COL14A1: variants seen among roughly 807,000 people sequenced by gnomAD.
COL14A1 encodes the protein collagen type XIV alpha 1 chain.
In COL14A1, 136 loss-of-function variants were observed where a neutral mutation model predicts 230.3. The ratio of observed to expected loss-of-function variants is 0.59; its 90% CI spans 0.51 to 0.68. The LOEUF is 0.68. COL14A1 is among the 30% of genes least tolerant of loss of function. The probability of loss-of-function intolerance (pLI) is 0.00; values close to 1 mark genes in which losing one functional copy is unlikely to be tolerated. For synonymous variants in COL14A1, 792 were observed against 784.1 expected (o/e 1.01, Z -0.17); for missense variants, 1,976 against 2,215.8 (o/e 0.89, Z 2.17).
chr8:120,331,985 A>AACAATTTCC (rs1488174194), intron 40 of COL14A1, among the ~76,000 whole-genome samples, 156 bp from the exon 41 acceptor site: 3 of 152,222 alleles, frequency 2.0e-5, no homozygotes, highest in Non-Finnish European at 2.9e-5. Flanking sequence ...CCTTGCCAAA[A>AACAATTTCC]ACAATTTCCA....
At chr8:120,226,984 C>T (rs11986760) in intron 16 of COL14A1, among the ~76,000 whole-genome samples, 1 of 152,040 alleles carries the variant, frequency 6.6e-6, no homozygotes, top group East Asian at 1.9e-4. Context: ...TTTTCAGATT[C>T]TTTGACTTTA....
intron 16 of COL14A1, 90 bp from the exon 17 acceptor site, chr8:120,227,130 T>G (rs902961969): frequency 1.4e-6 from 2 of 1,438,554 alleles, no homozygotes; most frequent in African/African-American, 2.8e-5. Flanking sequence ...TCTTTATGAT[T>G]GGTTGTTTCT....
chr8:120,200,715 TTA>T lies in COL14A1; in HGVS notation c.877+1199_877+1200del, dbSNP rs34177030. Among the ~76,000 whole-genome samples the T allele has an allele frequency of 9.0e-3, 767 of 85,048 alleles. 2 individuals are homozygous for T. The highest frequency in any genetic ancestry group is 0.011 in the Non-Finnish European group (456 of 40,872). The allele number at this position is 85,048 out of a possible 152,430, so 55.8% of individuals were successfully genotyped here. A position where few individuals can be genotyped will look rare whatever the true frequency, so the allele number is the denominator to read the frequency against. On this transcript the variant is annotated intron_variant, in intron 8 of 47. Coordinates refer to ENST00000297848, the MANE Select transcript of COL14A1 (RefSeq NM_021110.4). ...GAAAGATCCTAAAAAGTTTTCCTAT[TTA>T]TATATATATATATATATATATATAT...
chr8:120,180,285 A>C (rs1816420418), intron 5 of COL14A1, among the ~76,000 whole-genome samples: 1 of 152,178 alleles, frequency 6.6e-6, no homozygotes. Context: ...CCCACCATTT[A>C]TTTATTGGTC....
At chr8:120,335,091 G>A (rs1822007267) in intron 42 of COL14A1, among the ~76,000 whole-genome samples, 2 of 152,148 alleles carry the variant, frequency 1.3e-5, no homozygotes, top group Non-Finnish European at 2.9e-5. Flanking sequence ...GGGAGGGAAT[G>A]GGGAAGAAGG....
intron 44 of COL14A1, among the ~76,000 whole-genome samples, chr8:120,344,251 C>G (rs1471366278): frequency 6.6e-6 from 1 of 152,238 alleles, no homozygotes; most frequent in Non-Finnish European, 1.5e-5. Flanking sequence ...TCTTGCCTTA[C>G]ACTACTTCAG....
intron 45 of COL14A1, among the ~76,000 whole-genome samples, chr8:120,363,651 T>A (rs1823306567): frequency 6.6e-6 from 1 of 152,182 alleles, no homozygotes; most frequent in African/African-American, 2.4e-5. Context: ...CATTTAGTCT[T>A]CCAGTATTTA....
chr8:120,244,066 C>G (rs1818694108), intron 20 of COL14A1, 58 bp downstream of exon 20: 5 of 1,572,384 alleles, frequency 3.2e-6, no homozygotes, highest in African/African-American at 1.4e-5. Context: ...AAATGCTTGT[C>G]CCCTGTAATG....
intron 44 of COL14A1, among the ~76,000 whole-genome samples, chr8:120,342,781 CA>C (rs1329417008): frequency 6.6e-6 from 1 of 152,156 alleles, no homozygotes; most frequent in Non-Finnish European, 1.5e-5. Context: ...AAGTGTTCAG[CA>C]CTTGAAAGCT....
In COL14A1 at chr8:120,315,941, C is replaced by T. The variant is rs1290867277; in HGVS notation, c.4606-3C>T. The T allele has an allele frequency of 5.6e-6, 9 of 1,613,728 alleles. No individual in the cohort carries two copies. The highest frequency in any genetic ancestry group is 5.1e-6 in the Non-Finnish European group (6 of 1,179,934). On this transcript the variant is annotated splice_polypyrimidine_tract_variant and splice_region_variant and intron_variant, in intron 39 of 47. Coordinates refer to ENST00000297848, the MANE Select transcript of COL14A1 (RefSeq NM_021110.4). Reference sequence around the variant, plus strand: ...GACTCTTTTTTGTCCCTGTTCTACACAGGGTATCCCAGGAGGCGTTGGTTC... The same window carrying T: ...GACTCTTTTTTGTCCCTGTTCTACATAGGGTATCCCAGGAGGCGTTGGTTC...
chr8:120,179,839 T>G (rs1816404836), intron 5 of COL14A1, among the ~76,000 whole-genome samples: 1 of 152,158 alleles, frequency 6.6e-6, no homozygotes, highest in South Asian at 2.1e-4. Context: ...TTGGTACTGG[T>G]ACCAAAACAG....
chr8:120,156,167 G>C (rs976530363), intron 2 of COL14A1, among the ~76,000 whole-genome samples: 1 of 111,006 alleles, frequency 9.0e-6, no homozygotes, highest in African/African-American at 3.7e-5. Flanking sequence ...TCAATGAAGG[G>C]TGACTTCTTT....
chr8:120,370,723 C>T, intron 47 of COL14A1: 1 of 1,400,080 alleles, frequency 7.1e-7, no homozygotes, highest in East Asian at 3.8e-5. Flanking sequence ...TTCCTCCTTC[C>T]TCTCCCCACA....
chr8:120,361,004 A>G (rs1233819875), intron 45 of COL14A1, among the ~76,000 whole-genome samples: 1 of 151,318 alleles, frequency 6.6e-6, no homozygotes, highest in African/African-American at 2.4e-5. Flanking sequence ...CTAGTAGACA[A>G]TCTCCCCTTC....
intron 2 of COL14A1, among the ~76,000 whole-genome samples, chr8:120,148,655 T>C (rs1417699850): frequency 6.6e-6 from 1 of 152,216 alleles, no homozygotes; most frequent in Non-Finnish European, 1.5e-5. Context: ...TATCATTTCA[T>C]ACCTGGTCCT....
chr8:120,191,219 T>C (rs71532482), intron 5 of COL14A1, among the ~76,000 whole-genome samples: 29,094 of 135,900 alleles, frequency 0.21, 2,516 homozygotes, highest in Middle Eastern at 0.31. Context: ...GCTTTGAATG[T>C]GTCCCAGAGA....
chr8:120,359,962 A>G (rs1021060394), intron 45 of COL14A1, among the ~76,000 whole-genome samples: 2 of 152,102 alleles, frequency 1.3e-5, no homozygotes, highest in Non-Finnish European at 2.9e-5. Flanking sequence ...CTCGCTGCCC[A>G]AATTTAGGTG....
Position 120,278,124 on chromosome 8 carries a change from A to G in COL14A1, c.3227A>G (p.Gln1076Arg). The change falls in exon 27 of 48, where the codon CAG becomes CGG. Residue 1076 changes from glutamine (Q) to arginine (R), a missense_variant. Around this residue, in one of 3 missense-constraint regions of COL14A1, gnomAD observed 1,791 missense variants for 2,019.5 expected, o/e 0.89. Transcript: ENST00000297848. ...TTCTCTCTCCAGGTTGCAATGGTTC[A>G]GTTCACTGATGATCCCAGAACAGAA... is the stretch of plus-strand genomic sequence containing the variant. ...GTDGTQVAMV[Q>R]FTDDPRTEFK... The G allele has an allele frequency of 6.2e-7, 1 of 1,606,094 alleles. No homozygotes were observed. Among genetic ancestry groups the G allele is most frequent in the Middle Eastern group, 1.7e-4 (1 of 5,990 alleles).
intron 2 of COL14A1, among the ~76,000 whole-genome samples, chr8:120,152,348 T>C (rs1275693427): frequency 1.3e-5 from 2 of 151,540 alleles, no homozygotes; most frequent in Admixed American, 6.6e-5. Context: ...CTGTAGTCTG[T>C]AGTCCTAGCT....
Sources: allele counts gnomAD v4.1 joint callset (sites outside exome capture counted in the v4.1 genomes callset), GRCh38; gene constraint gnomAD v4.1.1; regional missense constraint gnomAD v4.1.1; transcripts MANE v1.5; gene names NCBI Gene and HGNC (gene_info 2026-07-23, HGNC 2026-07-21).